FRMD5: variants seen among roughly 807,000 people sequenced by gnomAD.
FRMD5 encodes FERM domain-containing protein 5.
FRMD5 carries 20 observed loss-of-function variants against 69.0 expected under a neutral mutation model. The ratio of observed to expected loss-of-function variants is 0.29; its 90% CI spans 0.20 to 0.42. The LOEUF is 0.42. Among genes scored for constraint, FRMD5 ranks in the 10% least tolerant of loss-of-function variants. FRMD5 has a pLI of 1.00. For missense variants in FRMD5, 595 were observed against 708.6 expected (o/e 0.84, Z 1.82); for synonymous variants, 271 against 260.1 (o/e 1.04, Z -0.40).
chr15:43,873,709 A>ATG lies in FRMD5; in HGVS notation c.*174_*175dup. The ATG allele has an allele frequency of 6.6e-7, 1 of 1,511,682 alleles. No homozygotes were observed. The highest frequency in any genetic ancestry group is 8.8e-7 in the Non-Finnish European group (1 of 1,138,496). The allele number at this position is 1,511,682 out of a possible 1,614,324, so 93.6% of individuals were successfully genotyped here. ...TTTTCCCAGTTTGTTTAGACAGGGC[A>ATG]TGAGCCTATCCCTTTCTTCTTCTGG... On this transcript the variant is annotated 3_prime_UTR_variant, in exon 14 of 14. Transcript: ENST00000417257.
At chr15:43,969,342 A>G (rs1220622454) in intron 1 of FRMD5, among the ~76,000 whole-genome samples, 1 of 152,120 alleles carries the variant, frequency 6.6e-6, no homozygotes, top group African/African-American at 2.4e-5. Flanking sequence ...TCAGCCTCCC[A>G]AAGTTTTGCT....
intron 1 of FRMD5, among the ~76,000 whole-genome samples, chr15:43,976,587 G>C (rs2090466194): frequency 2.0e-5 from 3 of 152,214 alleles, no homozygotes; most frequent in Admixed American, 2.0e-4. Context: ...TTATTTACAA[G>C]AATAAGCCTG....
chr15:44,064,729 C>G (rs1027547284), intron 1 of FRMD5, among the ~76,000 whole-genome samples: 1 of 152,180 alleles, frequency 6.6e-6, no homozygotes, highest in Non-Finnish European at 1.5e-5. Context: ...TCAAATCCAA[C>G]TTTCAGAAAA....
At chr15:43,875,822 T>TTTTTTC in intron 13 of FRMD5, 1 of 388,544 alleles carries the variant, frequency 2.6e-6, no homozygotes, top group East Asian at 4.5e-5. Context: ...TTTTTTTTTT[T>TTTTTTC]TTTTTCTTTC....
At chr15:44,130,074 G>A (rs1242504239) in intron 1 of FRMD5, among the ~76,000 whole-genome samples, 1 of 152,158 alleles carries the variant, frequency 6.6e-6, no homozygotes, top group African/African-American at 2.4e-5. Context: ...CACCTTGCTT[G>A]GTGATTCCTG....
At chr15:43,978,483 A>G (rs150841125) in intron 1 of FRMD5, among the ~76,000 whole-genome samples, 146 of 152,232 alleles carry the variant, frequency 9.6e-4, no homozygotes, top group African/African-American at 3.4e-3. Context: ...GTAGGTGGCA[A>G]TGTTCTATTT....
Position 43,873,818 on chromosome 15 carries a change from A to G in FRMD5, c.*67T>C, listed in dbSNP as rs551899362. On this transcript the variant is annotated 3_prime_UTR_variant, in exon 14 of 14. Transcript: ENST00000417257. ...TGCCGATGGTTCCGCGATGGGTCCC[A>G]TTGCTGGGAATGGGTAGCCGGGTTC... 2.3e-3 allele frequency: 3,682 copies of G among 1,586,772 alleles called. 4 individuals carry two copies. Among genetic ancestry groups the G allele is most frequent in the Non-Finnish European group, 2.7e-3 (3,200 of 1,165,880 alleles).
At chr15:43,981,065 G>A (rs2090541609) in intron 1 of FRMD5, among the ~76,000 whole-genome samples, 1 of 152,138 alleles carries the variant, frequency 6.6e-6, no homozygotes, top group Admixed American at 6.5e-5. Context: ...GCCCAGGCTG[G>A]AGTGCAGTGA....
At chr15:44,157,693 C>CT (rs2077549980) in intron 1 of FRMD5, among the ~76,000 whole-genome samples, 1 of 152,132 alleles carries the variant, frequency 6.6e-6, no homozygotes, top group African/African-American at 2.4e-5. Context: ...TCTGATTTCA[C>CT]TTTAAGTTTG....
intron 1 of FRMD5, among the ~76,000 whole-genome samples, chr15:44,189,382 T>C (rs1285116222): frequency 6.6e-6 from 1 of 152,198 alleles, no homozygotes; most frequent in Non-Finnish European, 1.5e-5. Context: ...GAGACAGTTT[T>C]AGCCTGATGG....
chr15:44,099,246 T>G (rs2076602078), intron 1 of FRMD5, among the ~76,000 whole-genome samples: 2 of 152,148 alleles, frequency 1.3e-5, no homozygotes, highest in Non-Finnish European at 2.9e-5. Flanking sequence ...TCCTCAAACT[T>G]TAACATGCAT....
In FRMD5 at chr15:43,874,091, G is replaced by C; in HGVS notation, c.1507C>G (p.Arg503Gly). 3 of 1,614,226 alleles carry C rather than the reference G, an allele frequency of 1.9e-6. No individual in the cohort carries two copies. The highest frequency in any genetic ancestry group is 2.5e-6 in the Non-Finnish European group (3 of 1,180,036). Residue 503 changes from arginine to glycine, a missense_variant, in exon 14 of 14, where the codon CGT (arginine) becomes GGT (glycine). Coordinates refer to ENST00000417257, the MANE Select transcript of FRMD5 (RefSeq NM_032892.5). ...QVNKFVLSVL[R>G]LLLVTMGLLF... ...AGTCCCATGGTCACAAGGAGCAAAC[G>C]GAGGACACTTAGAACAAACTTATTC...
chr15:44,098,195 C>T (rs1356859823), intron 1 of FRMD5, among the ~76,000 whole-genome samples: 1 of 151,686 alleles, frequency 6.6e-6, no homozygotes, highest in African/African-American at 2.4e-5. Flanking sequence ...CTCTCTGTCA[C>T]CTGACTCTTC....
At chr15:44,133,471 G>A (rs1261982370) in intron 1 of FRMD5, among the ~76,000 whole-genome samples, 1 of 149,122 alleles carries the variant, frequency 6.7e-6, no homozygotes, top group African/African-American at 2.5e-5. Context: ...AGCTACTTGG[G>A]AGGCTGAGGC....
At chr15:43,939,846 C>G (rs1393367621) in intron 1 of FRMD5, among the ~76,000 whole-genome samples, 2 of 151,590 alleles carry the variant, frequency 1.3e-5, no homozygotes, top group Non-Finnish European at 2.9e-5. Flanking sequence ...CAGGTGTGAG[C>G]CACTGTGCCA....
chr15:43,888,725 TG>T, intron 9 of FRMD5, 83 bp downstream of exon 9: 1 of 1,148,814 alleles, frequency 8.7e-7, no homozygotes, highest in Non-Finnish European at 1.3e-6. Context: ...TTGGCTCTAC[TG>T]GGGTCCCTCA....
intron 10 of FRMD5, among the ~76,000 whole-genome samples, chr15:43,887,126 T>G (rs1181879580): frequency 6.6e-6 from 1 of 151,520 alleles, no homozygotes; most frequent in Non-Finnish European, 1.5e-5. Context: ...TTCTGTTTGC[T>G]TCTTCTCTAC....
At chr15:43,989,361 A>T (rs1889555505) in intron 1 of FRMD5, 1 of 785,986 alleles carries the variant, frequency 1.3e-6, no homozygotes, top group African/African-American at 1.7e-5. Context: ...AGGTAGTTTC[A>T]TGGATGCCGC....
At chr15:43,981,436 G>C (rs1056450180) in intron 1 of FRMD5, among the ~76,000 whole-genome samples, 2 of 152,200 alleles carry the variant, frequency 1.3e-5, no homozygotes, top group African/African-American at 4.8e-5. Flanking sequence ...AAGAGGAGGA[G>C]GAAAAGGGGT....
Sources: gnomAD v4.1 joint callset for allele counts (sites outside exome capture counted in the v4.1 genomes callset) on GRCh38, gnomAD v4.1.1 for gene constraint, MANE v1.5 for transcripts, NCBI Gene and HGNC (gene_info 2026-07-23, HGNC 2026-07-21) for gene names.